ROR1: variants seen among roughly 807,000 people sequenced by gnomAD.
ROR1 encodes the protein inactive tyrosine-protein kinase transmembrane receptor ROR1.
Under a neutral mutation model 78.8 loss-of-function variants are expected in ROR1, and 19 were observed. The observed-to-expected ratio is 0.24, with a 90% CI of 0.17 to 0.35. The LOEUF (loss-of-function observed/expected upper bound fraction) is 0.35, where lower values mean the gene tolerates loss of function less well. Ranked by LOEUF, ROR1 falls within the 10% of genes least tolerant of loss-of-function variation. ROR1 has a pLI of 1.00. For missense variants in ROR1, 917 were observed against 1,177.8 expected, an observed-to-expected ratio of 0.78 and a Z score of 3.24; for synonymous variants, 386 against 433.6, an observed-to-expected ratio of 0.89 and a Z score of 1.36.
chr1:63,975,665 T>A (rs1177874475), intron 1 of ROR1, among the ~76,000 whole-genome samples: 2 of 152,112 alleles, frequency 1.3e-5, no homozygotes, highest in Non-Finnish European at 2.9e-5. Flanking sequence ...CAAAGCAAAT[T>A]TCTGAGCGTT....
chr1:63,830,644 G>C (rs1316225993), intron 1 of ROR1, among the ~76,000 whole-genome samples: 1 of 152,134 alleles, frequency 6.6e-6, no homozygotes, highest in East Asian at 1.9e-4. Context: ...GATGAGATTT[G>C]GGTGGGGACA....
chr1:63,846,120 G>GAA (rs1402263507), intron 1 of ROR1, among the ~76,000 whole-genome samples: 58 of 2,712 alleles, frequency 0.021, no homozygotes, highest in African/African-American at 0.12. Flanking sequence ...GAGAGAGAAT[G>GAA]TGTGTGTGTG....
At chr1:64,161,559 T>C (rs1569871133) in intron 8 of ROR1, among the ~76,000 whole-genome samples, 1 of 148,452 alleles carries the variant, frequency 6.7e-6, no homozygotes, top group Non-Finnish European at 1.5e-5. Context: ...GCAATAATAG[T>C]TCCCCATCCT....
rs140745290 is a variant in ROR1, at chr1:64,053,112, T to A, written c.482+2396T>A. On this transcript the variant is annotated intron_variant, in intron 4 of 8. Transcript: ENST00000371079. Reference sequence around the variant, plus strand: ...GGTTGTTTGTCAAATTGTACACTACTATTTCCAAAAGAGGAATGAAATACA... The same window carrying A: ...GGTTGTTTGTCAAATTGTACACTACAATTTCCAAAAGAGGAATGAAATACA... 2.1e-3 allele frequency among the ~76,000 whole-genome samples: 326 copies of A among 152,356 alleles called. 6 individuals are homozygous for A. Among genetic ancestry groups the A allele is most frequent in the Admixed American group, 0.019 (288 of 15,298 alleles).
chr1:64,146,064 C>T (rs1457430231), intron 7 of ROR1, among the ~76,000 whole-genome samples: 1 of 152,234 alleles, frequency 6.6e-6, no homozygotes, highest in African/African-American at 2.4e-5. Flanking sequence ...CAGGATCTTG[C>T]TACGTTGCCC....
rs540048034 is a variant in ROR1 at position 63,826,489 on chromosome 1, A to G, written c.91+51981A>G. Among the ~76,000 whole-genome samples the G allele has an allele frequency of 4.6e-5, 7 of 152,132 alleles. No homozygotes were observed. The South Asian group carries it at 1.5e-3, about 32-fold the overall frequency. ...ATACCACATTTTCTTTATCTAGTCT[A>G]TCATTGATGGGTATTTGTGTTGATT... On this transcript the variant is annotated intron_variant, in intron 1 of 8. Transcript: ENST00000371079.
At chr1:63,890,174 G>A (rs1557546213) in intron 1 of ROR1, among the ~76,000 whole-genome samples, 1 of 152,018 alleles carries the variant, frequency 6.6e-6, no homozygotes, top group South Asian at 2.1e-4. Context: ...ACATCTATCT[G>A]CTTTTTAATG....
chr1:64,172,387 A>T (rs1055084261), intron 8 of ROR1, among the ~76,000 whole-genome samples: 1 of 152,214 alleles, frequency 6.6e-6, no homozygotes, highest in Non-Finnish European at 1.5e-5. Flanking sequence ...TAACTTCTGC[A>T]TCAACTTTTA....
At chr1:63,990,587 C>T (rs1646287891) in intron 1 of ROR1, among the ~76,000 whole-genome samples, 1 of 152,050 alleles carries the variant, frequency 6.6e-6, no homozygotes, top group Non-Finnish European at 1.5e-5. Context: ...AACCTTTTTA[C>T]CTTTAAAAAC....
At chr1:64,021,983 G>A (rs1370914706) in intron 2 of ROR1, among the ~76,000 whole-genome samples, 2 of 152,170 alleles carry the variant, frequency 1.3e-5, no homozygotes, top group African/African-American at 2.4e-5. Flanking sequence ...CCAAAAGATG[G>A]AAGCAGCCTA....
At chr1:64,032,554 T>C (rs765873579) in intron 2 of ROR1, among the ~76,000 whole-genome samples, 1 of 152,094 alleles carries the variant, frequency 6.6e-6, no homozygotes, top group Non-Finnish European at 1.5e-5. Context: ...GTTCACACAA[T>C]ATCAAGAGTA....
intron 1 of ROR1, among the ~76,000 whole-genome samples, chr1:63,957,136 A>C: frequency 6.6e-6 from 1 of 152,132 alleles, no homozygotes; most frequent in East Asian, 1.9e-4. Flanking sequence ...GATTATATGC[A>C]ATGACAAATG....
chr1:63,827,071 T>A (rs989349219), intron 1 of ROR1, among the ~76,000 whole-genome samples: 4 of 152,144 alleles, frequency 2.6e-5, no homozygotes, highest in African/African-American at 7.2e-5. Context: ...TCATAATGGT[T>A]GCTGGCTGCA....
At position 64,016,272 on chromosome 1, in the gene ROR1, G is replaced by A. The variant is rs1458025493; in HGVS notation, c.163+6896G>A. ...CTACCCACCTATGTCTATTGAGAAT[G>A]TGAAATGTGGACAGTCCAAAGTGAG... On this transcript the variant is annotated intron_variant, in intron 2 of 8. Transcript: ENST00000371079. 5.3e-5 allele frequency among the ~76,000 whole-genome samples: 8 copies of A among 152,156 alleles called. No individual in the cohort carries two copies. In the East Asian group the frequency reaches 1.3e-3, roughly 26 times the overall value.
chr1:63,785,126 G>A (rs1012475580), intron 1 of ROR1, among the ~76,000 whole-genome samples: 11 of 152,144 alleles, frequency 7.2e-5, no homozygotes, highest in Non-Finnish European at 1.3e-4. Context: ...CACCATTTCC[G>A]GATGGGTTTA....
chr1:64,006,931 C>T (rs567791745), intron 1 of ROR1, among the ~76,000 whole-genome samples: 2 of 151,858 alleles, frequency 1.3e-5, no homozygotes, highest in Non-Finnish European at 2.9e-5. Context: ...TAGTCAGTGA[C>T]GATGACATGT....
chr1:63,989,275 C>T (rs1646276355), intron 1 of ROR1, among the ~76,000 whole-genome samples: 1 of 149,192 alleles, frequency 6.7e-6, no homozygotes, highest in African/African-American at 2.5e-5. Flanking sequence ...ATTATTTATT[C>T]TCTCTGAGCC....
At chr1:63,983,434 G>A (rs1042308843) in intron 1 of ROR1, among the ~76,000 whole-genome samples, 32 of 152,158 alleles carry the variant, frequency 2.1e-4, no homozygotes, top group Non-Finnish European at 4.0e-4. Context: ...TAGGGGAAGC[G>A]GGACCCCTCT....
intron 1 of ROR1, among the ~76,000 whole-genome samples, chr1:63,861,577 G>A (rs937936169): frequency 3.9e-5 from 6 of 152,164 alleles, no homozygotes; most frequent in Non-Finnish European, 8.8e-5. Context: ...CACTGCAGCC[G>A]AGCACGTTGA....
Sources: allele counts gnomAD v4.1 joint callset (sites outside exome capture counted in the v4.1 genomes callset), GRCh38; gene constraint gnomAD v4.1.1; transcripts MANE v1.5; gene names NCBI Gene and HGNC (gene_info 2026-07-23, HGNC 2026-07-21).